TRAF3IP3: variants seen among roughly 807,000 people sequenced by gnomAD.
TRAF3IP3 encodes TRAF3-interacting JNK-activating modulator.
In TRAF3IP3, 64 loss-of-function variants were observed where a neutral mutation model predicts 86.5. The ratio of observed to expected loss-of-function variants is 0.74; its 90% CI spans 0.60 to 0.91. TRAF3IP3 has a LOEUF of 0.91. Among genes scored for constraint, TRAF3IP3 ranks in the 40% least tolerant of loss-of-function variants. The probability of loss-of-function intolerance (pLI) is 0.00; values close to 1 mark genes in which losing one functional copy is unlikely to be tolerated. For synonymous variants in TRAF3IP3, 220 were observed against 243.9 expected, an observed-to-expected ratio of 0.90 and a Z score of 0.91; for missense variants, 579 against 642.9, an observed-to-expected ratio of 0.90 and a Z score of 1.07.
At chr1:209,771,944 C>T (rs1164308345) in intron 8 of TRAF3IP3, among the ~76,000 whole-genome samples, 6 of 87,290 alleles carry the variant, frequency 6.9e-5, no homozygotes, top group East Asian at 4.8e-4. Flanking sequence ...TGCAGGTGTG[C>T]GTGTGCATGT....
At chr1:209,767,201 T>C (rs1220664749) in intron 8 of TRAF3IP3, among the ~76,000 whole-genome samples, 1 of 152,178 alleles carries the variant, frequency 6.6e-6, no homozygotes, top group East Asian at 1.9e-4. Context: ...TATGTATATA[T>C]ATAAAATCAG....
At chr1:209,781,896 C>A (rs1571972641) in intron 16 of TRAF3IP3, 160 bp from the exon 17 acceptor site, 3 of 613,542 alleles carry the variant, frequency 4.9e-6, no homozygotes, top group East Asian at 5.6e-5. Context: ...TGGTTTTATC[C>A]CAAGACAGGT....
chr1:209,761,352 G>A (rs1273348260), intron 3 of TRAF3IP3, among the ~76,000 whole-genome samples: 1 of 152,208 alleles, frequency 6.6e-6, no homozygotes, highest in African/African-American at 2.4e-5. Flanking sequence ...AAGGAACAAT[G>A]TTGGCAAAAA....
rs1473496093 is a variant in TRAF3IP3 at position 209,771,511 on chromosome 1, GA to G, written c.703-1435del. Among the ~76,000 whole-genome samples the G allele has an allele frequency of 7.4e-5, 11 of 149,176 alleles. 1 individual carries two copies. Among genetic ancestry groups the G allele is most frequent in the Admixed American group, 1.3e-4 (2 of 15,000 alleles). ...TGCGTGTGCATGTGAAGGTGTGTGT[GA>G]AGGTGTGTGTGTGCAGGTGGAGGTA... On this transcript the variant is annotated intron_variant, in intron 8 of 16. Coordinates refer to ENST00000367025, the MANE Select transcript of TRAF3IP3 (RefSeq NM_025228.4).
At chr1:209,763,117 G>C in intron 6 of TRAF3IP3, 25 bp downstream of exon 6, 10 of 1,609,824 alleles carry the variant, frequency 6.2e-6, no homozygotes, top group Non-Finnish European at 8.5e-6. Flanking sequence ...ACTTTGAAGG[G>C]GTCAAATCAG....
At position 209,778,518 on chromosome 1, in the gene TRAF3IP3, G is replaced by A. The variant is rs1437413404; in HGVS notation, c.1252+345G>A. On this transcript the variant is annotated intron_variant, in intron 13 of 16. Coordinates refer to ENST00000367025, the MANE Select transcript of TRAF3IP3 (RefSeq NM_025228.4). The stretch of plus-strand genomic sequence containing the variant: ...AATGTGTCACATAGACCTGTCATTA[G>A]AGATGGTTTAGAAAATAAGCTTACA... 4 of 239,534 alleles carry A rather than the reference G, an allele frequency of 1.7e-5. No individual in the cohort carries two copies. In the East Asian group the frequency reaches 3.5e-4, roughly 21 times the overall value. The allele number at this position is 239,534 out of a possible 1,614,324, so 14.8% of individuals were successfully genotyped here. A position where few individuals can be genotyped will look rare whatever the true frequency, so the allele number is the denominator to read the frequency against.
At chr1:209,765,191 GAGAGAGAGAGAGA>G (rs2102448334) in intron 8 of TRAF3IP3, among the ~76,000 whole-genome samples, 1 of 33,926 alleles carries the variant, frequency 2.9e-5, no homozygotes, top group Non-Finnish European at 5.2e-5. Flanking sequence ...GAGAGAGAGA[GAGAGAGAGAGAGA>G]GAGAGAGAGG....
intron 13 of TRAF3IP3, chr1:209,779,104 T>C (rs1421678588): frequency 3.4e-6 from 2 of 591,142 alleles, no homozygotes; most frequent in Admixed American, 3.1e-5. Context: ...CCATTTTAAC[T>C]TGATTATCTT....
chr1:209,781,321 T>A, intron 15 of TRAF3IP3, 24 bp from the exon 16 acceptor site: 1 of 1,528,440 alleles, frequency 6.5e-7, no homozygotes, highest in Non-Finnish European at 9.1e-7. Flanking sequence ...GTGACAGTGA[T>A]GACTTTGGTG....
chr1:209,775,050 GA>G (rs1203061508), intron 9 of TRAF3IP3, among the ~76,000 whole-genome samples: 1 of 152,100 alleles, frequency 6.6e-6, no homozygotes, highest in African/African-American at 2.4e-5. Flanking sequence ...GGAACCCCAA[GA>G]AAAAAGAACA....
intron 8 of TRAF3IP3, among the ~76,000 whole-genome samples, chr1:209,771,920 T>G (rs2077547428): frequency 1.4e-4 from 17 of 118,122 alleles, no homozygotes; most frequent in Admixed American, 1.8e-4. Flanking sequence ...TATATGGAGG[T>G]GTGCGTGTGC....
At chr1:209,768,242 CT>C in intron 8 of TRAF3IP3, 1 of 985,408 alleles carries the variant, frequency 1.0e-6, no homozygotes, top group Non-Finnish European at 1.2e-6. Context: ...ATGCTGAGAA[CT>C]TACCACAAAC....
intron 9 of TRAF3IP3, among the ~76,000 whole-genome samples, chr1:209,774,313 T>A (rs771121758): frequency 1.4e-4 from 22 of 152,186 alleles, no homozygotes; most frequent in Non-Finnish European, 2.5e-4. Context: ...GATTTTTTTT[T>A]AAAGCAGCAG....
chr1:209,770,731 G>GC (rs1170695961), intron 8 of TRAF3IP3, among the ~76,000 whole-genome samples: 1 of 146,092 alleles, frequency 6.8e-6, no homozygotes, highest in South Asian at 2.2e-4. Flanking sequence ...GTGTGCGTGT[G>GC]CAGGTGGAGG....
chr1:209,766,443 G>A (rs1054266668), intron 8 of TRAF3IP3, among the ~76,000 whole-genome samples: 1 of 152,204 alleles, frequency 6.6e-6, no homozygotes, highest in Non-Finnish European at 1.5e-5. Flanking sequence ...TGAAGACAGA[G>A]ACATGTAATA....
At position 209,781,707 on chromosome 1, in the gene TRAF3IP3, T is replaced by A. The variant is rs1167960055; in HGVS notation, c.1563+249T>A. 3 of 488,420 alleles carry A rather than the reference T, an allele frequency of 6.1e-6. No individual in the cohort carries two copies. In the Admixed American group the frequency reaches 1.1e-4, roughly 17 times the overall value. 30.3% of individuals were successfully genotyped at this position (488,420 alleles called of 1,614,324 possible). Reference sequence around the variant, plus strand: ...TACTCTTAGCTAAAGTATGAAAGGGTGTTCTTTTAGCCGATGATAAGCATG... The same window carrying A: ...TACTCTTAGCTAAAGTATGAAAGGGAGTTCTTTTAGCCGATGATAAGCATG... On this transcript the variant is annotated intron_variant, in intron 16 of 16. Transcript: ENST00000367025.
Position 209,782,207 on chromosome 1 carries a change from CA to C in TRAF3IP3, c.*60del, listed in dbSNP as rs1370327378. ...GAAGCAAGCAACTCAGCGAAAAACT[CA>C]GAAGGTTTGGGTACATTACAGCTTG... On this transcript the variant is annotated 3_prime_UTR_variant, in exon 17 of 17. Coordinates refer to ENST00000367025, the MANE Select transcript of TRAF3IP3 (RefSeq NM_025228.4). The C allele has an allele frequency of 4.9e-6, 7 of 1,422,040 alleles. No individual in the cohort carries two copies. The Admixed American group carries it at 1.2e-4, about 24-fold the overall frequency. 88.1% of individuals were successfully genotyped at this position (1,422,040 alleles called of 1,614,324 possible). A position where few individuals can be genotyped will look rare whatever the true frequency, so the allele number is the denominator to read the frequency against.
intron 8 of TRAF3IP3, among the ~76,000 whole-genome samples, chr1:209,772,348 A>C (rs993147280): frequency 6.6e-6 from 1 of 152,038 alleles, no homozygotes; most frequent in African/African-American, 2.4e-5. Flanking sequence ...CATCCATCAT[A>C]TTGGATTAGG....
At chr1:209,757,808 T>C (rs528579039) in intron 1 of TRAF3IP3, among the ~76,000 whole-genome samples, 2 of 152,356 alleles carry the variant, frequency 1.3e-5, no homozygotes, top group South Asian at 2.1e-4. Context: ...TATTAAAAGG[T>C]AACATTTATT....
Sources: gnomAD v4.1 joint callset for allele counts (sites outside exome capture counted in the v4.1 genomes callset) on GRCh38, gnomAD v4.1.1 for gene constraint, MANE v1.5 for transcripts, NCBI Gene and HGNC (gene_info 2026-07-23, HGNC 2026-07-21) for gene names.